Variants in SNED1 observed in about 807,000 individuals in gnomAD.
SNED1 encodes the protein sushi, nidogen and EGF like domains 1.
A neutral mutation model predicts 166.7 loss-of-function variants in SNED1; 81 were observed. The observed-to-expected ratio is 0.49, with a 90% confidence interval of 0.41 to 0.58. SNED1 has a LOEUF of 0.58. Ranked by LOEUF, SNED1 falls within the 20% of genes least tolerant of loss-of-function variation. The pLI is 0.00. For synonymous variants in SNED1, 762 were observed against 822.0 expected, an observed-to-expected ratio of 0.93 and a Z score of 1.25; for missense variants, 1,604 against 2,000.2, an observed-to-expected ratio of 0.80 and a Z score of 3.78.
Position 241,081,572 on chromosome 2 carries a change from A to C in SNED1, c.3917-105A>C. 3 of 827,396 alleles carry C rather than the reference A, an allele frequency of 3.6e-6. No individual in the cohort carries two copies. In the South Asian group the frequency reaches 4.6e-5, roughly 13 times the overall value. The allele number at this position is 827,396 out of a possible 1,614,324, so 51.3% of individuals were successfully genotyped here. On this transcript the variant is annotated intron_variant, in intron 27 of 31. Coordinates refer to ENST00000310397, the MANE Select transcript of SNED1 (RefSeq NM_001080437.3). ...ACCGCAGCACACCACAGAGGAGTGCACGGCCACCCTGCATCAGGTCATCAA... is the reference window on the plus strand; with the variant it reads ...ACCGCAGCACACCACAGAGGAGTGCCCGGCCACCCTGCATCAGGTCATCAA...
chr2:241,094,510 C>A lies in SNED1; in HGVS notation c.*2874C>A. On this transcript the variant is annotated 3_prime_UTR_variant, in exon 32 of 32. Transcript: ENST00000310397. The surrounding 1 kb of genome is among the most constrained non-coding windows in gnomAD (Gnocchi z 4.3). ...GCAGCTCACACCTACCAGGGGTATT[C>A]CAGTGCATAGGGGAAAGGAACCCGG... The A allele has an allele frequency of 2.4e-6, 1 of 425,020 alleles. No individual in the cohort carries two copies. Among genetic ancestry groups the A allele is most frequent in the Non-Finnish European group, 4.9e-6 (1 of 205,786 alleles). 26.3% of individuals were successfully genotyped at this position (425,020 alleles called of 1,614,324 possible). A position where few individuals can be genotyped will look rare whatever the true frequency, so the allele number is the denominator to read the frequency against.
At position 241,008,974 on chromosome 2, in the gene SNED1, TG is replaced by T. The variant is rs557399912; in HGVS notation, c.213+9928del. On this transcript the variant is annotated intron_variant, in intron 1 of 31. Coordinates refer to ENST00000310397, the MANE Select transcript of SNED1 (RefSeq NM_001080437.3). Reference sequence around the variant, plus strand: ...AGCAAACATTTCCTGCCATCAGCTCTGGGGTGGGTTGGAGGCGGCAAAGTGG... The same window carrying T: ...AGCAAACATTTCCTGCCATCAGCTCTGGGTGGGTTGGAGGCGGCAAAGTGG... 9.8e-4 allele frequency among the ~76,000 whole-genome samples: 149 copies of T among 152,316 alleles called. 1 individual carries two copies. Among genetic ancestry groups the T allele is most frequent in the African/African-American group, 3.5e-3 (147 of 41,570 alleles).
chr2:241,069,628 A>G lies in SNED1; in HGVS notation c.3308-292A>G, dbSNP rs903714889. Among the ~76,000 whole-genome samples the G allele has an allele frequency of 6.6e-6, 1 of 152,080 alleles. No individual in the cohort carries two copies. Among genetic ancestry groups the G allele is most frequent in the Non-Finnish European group, 1.5e-5 (1 of 67,996 alleles). ...GGCTCCACGCAGCCAGGCTCAGGGG[A>G]ACCGACTGTGCCGCAGGGAGGGCGC... On this transcript the variant is annotated intron_variant, in intron 23 of 31. Coordinates refer to ENST00000310397, the MANE Select transcript of SNED1 (RefSeq NM_001080437.3). This position sits in a 1 kb window ranked among gnomAD's most constrained non-coding sequence, Gnocchi z 4.9.
chr2:241,074,735 G>A (rs977949466), intron 27 of SNED1: 3 of 152,150 alleles, frequency 2.0e-5, no homozygotes, highest in Non-Finnish European at 4.4e-5. Context: ...ATGATCTTTG[G>A]TTCATGTTGC....
At chr2:241,009,661 C>T (rs1241267539) in intron 1 of SNED1, among the ~76,000 whole-genome samples, 3 of 152,174 alleles carry the variant, frequency 2.0e-5, no homozygotes, top group Non-Finnish European at 1.5e-5. Flanking sequence ...CTGGGAGCCC[C>T]TCCCTTACCC....
Position 241,051,757 on chromosome 2 carries a change from G to A in SNED1, c.1749G>A (p.Leu583=). 1.3e-6 allele frequency: 2 copies of A among 1,526,474 alleles called. No homozygotes were observed. Among genetic ancestry groups the A allele is most frequent in the South Asian group, 2.5e-5 (2 of 79,508 alleles). 94.6% of individuals were successfully genotyped at this position (1,526,474 alleles called of 1,614,324 possible). A position where few individuals can be genotyped will look rare whatever the true frequency, so the allele number is the denominator to read the frequency against. ...CCTTCCACACAGCCCGGCCACACCT[G>A]TGCAGCTCAGGGCCCTGCCGGAACG... ...GKHCEKARPH[L]CSSGPCRNGG... The change falls in exon 13 of 32, where the codon CTG becomes CTA. Residue 583 remains leucine (L), a synonymous_variant. Coordinates refer to ENST00000310397, the MANE Select transcript of SNED1 (RefSeq NM_001080437.3). This position sits in a 1 kb window ranked among gnomAD's most constrained non-coding sequence, Gnocchi z 4.7.
At chr2:241,087,648 T>C in intron 30 of SNED1, 173 bp downstream of exon 30, 1 of 1,424,360 alleles carries the variant, frequency 7.0e-7, no homozygotes, top group Non-Finnish European at 9.2e-7. Context: ...TATGTCCATA[T>C]ATGTGCATGT....
rs766018010 is a variant in SNED1, at chr2:241,067,747, C to T, written c.3011-17C>T. Reference sequence around the variant, plus strand: ...CAAGGAGGGGCCGGCACCTGCTGAACAGTCCATTCCCCCTAGGACCCCGCC... The same window carrying T: ...CAAGGAGGGGCCGGCACCTGCTGAATAGTCCATTCCCCCTAGGACCCCGCC... On this transcript the variant is annotated splice_polypyrimidine_tract_variant and intron_variant, in intron 21 of 31. Coordinates refer to ENST00000310397, the MANE Select transcript of SNED1 (RefSeq NM_001080437.3). 8 of 1,588,190 alleles carry T rather than the reference C, an allele frequency of 5.0e-6. No individual in the cohort carries two copies. In the African/African-American group the frequency reaches 9.4e-5, roughly 19 times the overall value.
chr2:241,009,042 T>G (rs1286754287), intron 1 of SNED1, among the ~76,000 whole-genome samples: 2 of 152,030 alleles, frequency 1.3e-5, no homozygotes, highest in African/African-American at 2.4e-5. Flanking sequence ...GGGCAGGACA[T>G]GGGGATGGAG....
Position 241,070,263 on chromosome 2 carries a change from AG to A in SNED1, c.3589+64del, listed in dbSNP as rs1201968789. 7 of 1,504,458 alleles carry A rather than the reference AG, an allele frequency of 4.7e-6. No homozygotes were observed. The Admixed American group carries it at 1.4e-4, about 30-fold the overall frequency. The allele number at this position is 1,504,458 out of a possible 1,614,324, so 93.2% of individuals were successfully genotyped here. On this transcript the variant is annotated intron_variant, in intron 24 of 31. Coordinates refer to ENST00000310397, the MANE Select transcript of SNED1 (RefSeq NM_001080437.3). ...TGTTTGCCAGCCCTCCACCCTGTTC[AG>A]GACTGACCTGGCCCTGCAGGGGCCT...
rs962865864 is a variant in SNED1, at chr2:241,076,739, A to G, written c.3916+3375A>G. 1.1e-4 allele frequency among the ~76,000 whole-genome samples: 16 copies of G among 152,006 alleles called. No individual in the cohort carries two copies. In the South Asian group the frequency reaches 2.1e-3, roughly 20 times the overall value. On this transcript the variant is annotated intron_variant, in intron 27 of 31. Coordinates refer to ENST00000310397, the MANE Select transcript of SNED1 (RefSeq NM_001080437.3). ...AGGATAGGCATTTAGATCAGTGGAAAAGAACTGAGAGTCCAGGGCCGGGCG... is the reference window on the plus strand; with the variant it reads ...AGGATAGGCATTTAGATCAGTGGAAGAGAACTGAGAGTCCAGGGCCGGGCG...
At chr2:241,089,076 CCACA>C in intron 31 of SNED1, 1 of 447,168 alleles carries the variant, frequency 2.2e-6, no homozygotes, top group Non-Finnish European at 3.9e-6. Context: ...CCCCACCTCC[CCACA>C]CAAACTGCCG....
rs2062564716 is a variant in SNED1 at position 241,068,568 on chromosome 2, C to T, written c.3195-343C>T. 6.6e-6 allele frequency among the ~76,000 whole-genome samples: 1 copy of T among 152,102 alleles called. No individual in the cohort carries two copies. The highest frequency in any genetic ancestry group is 2.4e-5 in the African/African-American group (1 of 41,394). On this transcript the variant is annotated intron_variant, in intron 22 of 31. Transcript: ENST00000310397. The surrounding 1 kb of genome is among the most constrained non-coding windows in gnomAD (Gnocchi z 5.3). ...TGTCCTGTGGTTTCCTGAGAATTTACATCAACTCACCTGTGCTGAGGGCCC... is the reference window on the plus strand; with the variant it reads ...TGTCCTGTGGTTTCCTGAGAATTTATATCAACTCACCTGTGCTGAGGGCCC...
intron 26 of SNED1, chr2:241,072,535 C>G: frequency 1.2e-5 from 4 of 324,156 alleles, no homozygotes; most frequent in Non-Finnish European, 2.4e-5. Context: ...CCAACAGAGC[C>G]TAGTCACCAG....
At chr2:241,058,672 C>T (rs566166620) in intron 16 of SNED1, among the ~76,000 whole-genome samples, 4 of 152,206 alleles carry the variant, frequency 2.6e-5, no homozygotes, top group Non-Finnish European at 2.9e-5. Flanking sequence ...AAAATTGGGC[C>T]GGGCGCGGTG....
chr2:241,077,392 G>A (rs1163102888), intron 27 of SNED1, among the ~76,000 whole-genome samples: 1 of 152,114 alleles, frequency 6.6e-6, no homozygotes, highest in East Asian at 1.9e-4. Flanking sequence ...ATAAAAGTAT[G>A]AGCAACAACA....
intron 15 of SNED1, 67 bp downstream of exon 15, chr2:241,052,535 G>T (rs1455433588): frequency 3.3e-6 from 4 of 1,222,356 alleles, no homozygotes; most frequent in Non-Finnish European, 4.8e-6. Context: ...AGATGGCCAG[G>T]GCCCAAGCAG....
intron 16 of SNED1, among the ~76,000 whole-genome samples, chr2:241,060,686 T>C (rs921307043): frequency 6.6e-6 from 1 of 152,156 alleles, no homozygotes; most frequent in African/African-American, 2.4e-5. Context: ...CTCATGCCTA[T>C]AATCCCAGCA....
rs797020529 is a variant in SNED1 at position 241,049,372 on chromosome 2, A to C, written c.1618+237A>C. On this transcript the variant is annotated intron_variant, in intron 11 of 31. Transcript: ENST00000310397. ...GCACTTCTGCAAGTATACAAACACC[A>C]TGTGGTATCTTACCTAAGCCCCAAC... Among the ~76,000 whole-genome samples, 24 of 152,338 alleles carry C rather than the reference A, an allele frequency of 1.6e-4. 1 individual carries two copies. The highest frequency in any genetic ancestry group is 5.3e-4 in the African/African-American group (22 of 41,574).
Sources: gnomAD v4.1 joint callset for allele counts (sites outside exome capture counted in the v4.1 genomes callset) on GRCh38, gnomAD v4.1.1 for gene constraint, Gnocchi (gnomAD v3.1) non-coding constraint, MANE v1.5 for transcripts, NCBI Gene and HGNC (gene_info 2026-07-23, HGNC 2026-07-21) for gene names.